The following ASPM variants were observed in gnomAD, a reference collection of about 807,000 sequenced individuals.
ASPM encodes assembly factor for spindle microtubules, also known as abnormal spindle-like microcephaly-associated protein.
ASPM carries 256 observed loss-of-function variants against 366.4 expected under a neutral mutation model. The observed-to-expected ratio is 0.70, with a 90% CI of 0.63 to 0.77. The LOEUF is 0.77. ASPM is among the 30% of genes least tolerant of loss of function. The probability of loss-of-function intolerance (pLI) is 0.00; values close to 1 mark genes in which losing one functional copy is unlikely to be tolerated. For synonymous variants in ASPM, 1,414 were observed against 1,342.9 expected, an observed-to-expected ratio of 1.05 and a Z score of -1.16; for missense variants, 4,146 against 4,090.4, an observed-to-expected ratio of 1.01 and a Z score of -0.37.
chr1:197,089,960 A>C lies in ASPM; in HGVS notation c.9954T>G (p.Tyr3318Ter). ...RSIPCMEVIR[Y>*]AVQVLLNVSK... is the part of the protein sequence containing the mutation. ...ATACATTAAGCAAGACTTGCACAGC[A>C]TATCTGATGACTTCCATACAAGGAA... The change falls in exon 25 of 28, where the codon TAT (tyrosine) becomes TAG (stop). Residue 3318 changes from tyrosine to a stop codon, truncating the protein, a stop_gained. Coordinates refer to ENST00000367409, the MANE Select transcript of ASPM (RefSeq NM_018136.5). LOFTEE classifies it high-confidence loss of function. 1.2e-6 allele frequency: 2 copies of C among 1,613,386 alleles called. No individual in the cohort carries two copies. Among genetic ancestry groups the C allele is most frequent in the Non-Finnish European group, 1.7e-6 (2 of 1,179,516 alleles).
chr1:197,095,395 CATT>C (rs1235703529), intron 19 of ASPM, among the ~76,000 whole-genome samples: 3 of 151,606 alleles, frequency 2.0e-5, no homozygotes, highest in Non-Finnish European at 2.9e-5. Context: ...TTAAAACCAT[CATT>C]GATTCAATAA....
In ASPM at chr1:197,108,225, A is replaced by AG. The variant is rs1373113222; in HGVS notation, c.4066-3041_4066-3040insC. Among the ~76,000 whole-genome samples the AG allele has an allele frequency of 2.6e-5, 4 of 152,014 alleles. No homozygotes were observed. In the East Asian group the frequency reaches 5.8e-4, roughly 22 times the overall value. On this transcript the variant is annotated intron_variant, in intron 17 of 27. Transcript: ENST00000367409. Reference sequence around the variant, plus strand: ...AACTATTTGAACTGAATGAAAAAAAAATACCATATCAAAATTTGTAGTATG... The same window carrying AG: ...AACTATTTGAACTGAATGAAAAAAAAGATACCATATCAAAATTTGTAGTATG...
Position 197,146,257 on chromosome 1 carries a change from G to T in ASPM, c.181C>A (p.Arg61=), listed in dbSNP as rs1342106100. 2 of 1,614,134 alleles carry T rather than the reference G, an allele frequency of 1.2e-6. No homozygotes were observed. The highest frequency in any genetic ancestry group is 3.3e-5 in the Admixed American group (2 of 60,016). ...TTGTCTAGGGCCAGAGACAGCGTCCGTGAGGCTCCCAGGAGAACGTCCCCG... is the reference window on the plus strand; with the variant it reads ...TTGTCTAGGGCCAGAGACAGCGTCCTTGAGGCTCCCAGGAGAACGTCCCCG... ...CFGDVLLGAS[R]TLSLALDNPN... Residue 61 remains arginine (R), a synonymous_variant, in exon 1 of 28, where the codon CGG becomes AGG. Coordinates refer to ENST00000367409, the MANE Select transcript of ASPM (RefSeq NM_018136.5).
chr1:197,089,995 T>A lies in ASPM; in HGVS notation c.9919A>T (p.Asn3307Tyr). Residue 3307 changes from asparagine (N) to tyrosine (Y), a missense_variant, in exon 25 of 28, where the codon AAT becomes TAT. This residue lies in a region of ASPM where 3,624 missense variants were observed against 3,591.7 expected (regional missense o/e 1.01). Coordinates refer to ENST00000367409, the MANE Select transcript of ASPM (RefSeq NM_018136.5). The part of the protein sequence containing the change: ...SKIFVLIRSC[N>Y]RSIPCMEVIR... ...ACTTCCATACAAGGAATACTGCGAT[T>A]ACAACTTCGGATCAAAACAAATATT... 6.2e-7 allele frequency: 1 copy of A among 1,613,346 alleles called. No homozygotes were observed. Among genetic ancestry groups the A allele is most frequent in the Non-Finnish European group, 8.5e-7 (1 of 1,179,538 alleles).
At chr1:197,130,240 T>C (rs1658218511) in intron 7 of ASPM, among the ~76,000 whole-genome samples, 184 bp from the exon 8 acceptor site, 1 of 152,186 alleles carries the variant, frequency 6.6e-6, no homozygotes, top group Non-Finnish European at 1.5e-5. Context: ...TTATTGTATA[T>C]AGTATACGTT....
At chr1:197,100,215 G>A (rs1300131730) in intron 18 of ASPM, among the ~76,000 whole-genome samples, 1 of 151,518 alleles carries the variant, frequency 6.6e-6, no homozygotes, top group East Asian at 1.9e-4. Context: ...CCACACATAG[G>A]GTGACCATGG....
chr1:197,126,782 C>A (rs1262230485), intron 10 of ASPM, among the ~76,000 whole-genome samples: 1 of 152,196 alleles, frequency 6.6e-6, no homozygotes, highest in Non-Finnish European at 1.5e-5. Flanking sequence ...GACATGTAAA[C>A]TGTTTTTCAA....
Position 197,102,948 on chromosome 1 carries a change from T to C in ASPM, c.6303A>G (p.Gln2101=). 1 of 1,612,478 alleles carries C rather than the reference T, an allele frequency of 6.2e-7. No homozygotes were observed. The highest frequency in any genetic ancestry group is 8.5e-7 in the Non-Finnish European group (1 of 1,179,090). ...TAACTCTAATACCTCTATAAACAGA[T>C]TGGATTTTAATTGCTGTCTTCTTCA... The part of the protein sequence containing the change: ...LNLKKTAIKI[Q]SVYRGIRVRR... The change falls in exon 18 of 28, where the codon CAA becomes CAG. Residue 2101 remains glutamine, a synonymous_variant. Transcript: ENST00000367409.
intron 27 of ASPM, among the ~76,000 whole-genome samples, chr1:197,086,566 A>G (rs1053485914): frequency 2.0e-5 from 3 of 152,228 alleles, no homozygotes; most frequent in Non-Finnish European, 4.4e-5. Context: ...CTTAGCTCTT[A>G]ACTATTTAAT....
rs113363710 is a variant in ASPM at position 197,134,253 on chromosome 1, A to T, written c.2174-658T>A. ...TCTATTCAAAAATAAAAAATAATAA[A>T]AAAAAAAAACTAGCCAGGCATGGTG... On this transcript the variant is annotated intron_variant, in intron 5 of 27. Coordinates refer to ENST00000367409, the MANE Select transcript of ASPM (RefSeq NM_018136.5). 8.6e-3 allele frequency among the ~76,000 whole-genome samples: 655 copies of T among 75,988 alleles called. 8 individuals are homozygous for T. Among genetic ancestry groups the T allele is most frequent in the African/African-American group, 0.019 (630 of 33,484 alleles). 49.9% of individuals were successfully genotyped at this position (75,988 alleles called of 152,430 possible). A position where few individuals can be genotyped will look rare whatever the true frequency, so the allele number is the denominator to read the frequency against.
At position 197,139,008 on chromosome 1, in the gene ASPM, C is replaced by G. The variant is rs1242170534; in HGVS notation, c.2026+759G>C. ...CTTCTCTCTGACATTGATCATAGCA[C>G]TCTTGTCTTTTGGCTTCAAAGATTT... On this transcript the variant is annotated intron_variant, in intron 4 of 27. Transcript: ENST00000367409. 19 of 724,380 alleles carry G rather than the reference C, an allele frequency of 2.6e-5. 1 individual carries two copies. The East Asian group carries it at 4.2e-4, about 16-fold the overall frequency. The allele number at this position is 724,380 out of a possible 1,614,324, so 44.9% of individuals were successfully genotyped here.
chr1:197,144,652 T>C (rs1013753717), intron 1 of ASPM, among the ~76,000 whole-genome samples: 4 of 152,148 alleles, frequency 2.6e-5, no homozygotes, highest in Admixed American at 6.5e-5. Context: ...ATTATGCACA[T>C]TTTACAGATG....
intron 22 of ASPM, 60 bp from the exon 23 acceptor site, chr1:197,091,101 A>G (rs2125088545): frequency 7.8e-7 from 1 of 1,283,854 alleles, no homozygotes; most frequent in Non-Finnish European, 1.1e-6. Flanking sequence ...AAAAAAATAT[A>G]CAAATATACA....
chr1:197,118,523 T>C (rs1657806194), intron 16 of ASPM, among the ~76,000 whole-genome samples: 1 of 152,122 alleles, frequency 6.6e-6, no homozygotes, highest in Non-Finnish European at 1.5e-5. Context: ...GTATCTGAGA[T>C]GCCCAACATT....
At chr1:197,139,331 T>A in intron 4 of ASPM, 1 of 693,374 alleles carries the variant, frequency 1.4e-6, no homozygotes, top group Admixed American at 2.3e-5. Flanking sequence ...GCGCGGTGGC[T>A]CACGCCTGAA....
chr1:197,110,189 A>T (rs910716922), intron 17 of ASPM, among the ~76,000 whole-genome samples: 2 of 152,130 alleles, frequency 1.3e-5, no homozygotes, highest in African/African-American at 4.8e-5. Flanking sequence ...AAGCTGCAGT[A>T]ATCAAGAAAC....
intron 23 of ASPM, 44 bp from the exon 24 acceptor site, chr1:197,090,432 T>A: frequency 7.0e-7 from 1 of 1,435,260 alleles, no homozygotes; most frequent in Non-Finnish European, 9.7e-7. Flanking sequence ...ATAGCCAATG[T>A]TTTCTATTTA....
chr1:197,084,557 G>A (rs1656529823), intron 27 of ASPM, 131 bp from the exon 28 acceptor site: 1 of 672,774 alleles, frequency 1.5e-6, no homozygotes, highest in Non-Finnish European at 2.6e-6. Flanking sequence ...GCTCAAAGAG[G>A]TGGGAGAACT....
At chr1:197,091,062 T>G (rs1263780620) in intron 22 of ASPM, 21 bp from the exon 23 acceptor site, 6 of 1,583,536 alleles carry the variant, frequency 3.8e-6, no homozygotes, top group Non-Finnish European at 5.2e-6. Context: ...CATAGAATTT[T>G]GTTTTTCATT....
Sources: allele counts gnomAD v4.1 joint callset (sites outside exome capture counted in the v4.1 genomes callset), GRCh38; gene constraint gnomAD v4.1.1; regional missense constraint gnomAD v4.1.1; transcripts MANE v1.5; gene names NCBI Gene and HGNC (gene_info 2026-07-23, HGNC 2026-07-21).